Variants in GSAP observed in about 807,000 individuals in gnomAD.
The protein encoded by GSAP is gamma-secretase-activating protein.
In GSAP, 118 loss-of-function variants were observed where a neutral mutation model predicts 131.7. That is an observed-to-expected ratio of 0.90 (90% CI 0.77 to 1.04). The LOEUF is 1.04. Ranked by LOEUF, GSAP falls within the 50% of genes least tolerant of loss-of-function variation. The pLI, the probability that GSAP is intolerant of heterozygous loss-of-function variation, is 0.00. For synonymous variants in GSAP, 381 were observed against 363.4 expected, an observed-to-expected ratio of 1.05 and a Z score of -0.55; for missense variants, 1,019 against 1,013.2, an observed-to-expected ratio of 1.01 and a Z score of -0.08.
chr7:77,375,817 C>T (rs1796762127), intron 10 of GSAP, among the ~76,000 whole-genome samples: 1 of 149,134 alleles, frequency 6.7e-6, no homozygotes, highest in Admixed American at 6.7e-5. Context: ...GCACTCCAGC[C>T]AGGGCAACAG....
rs753221729 is a variant in GSAP, at chr7:77,377,322, A to G, written c.645T>C (p.Asp215=). ...IAEDFVWAQW[D]MSEQRLYYID... is the part of the protein sequence containing the mutation. ...TGTAATATAATCTCTGTTCTGACAT[A>G]TCCCACTGAGCCCAAACGAAATCCT... Residue 215 remains aspartate, a synonymous_variant, in exon 9 of 31, where the codon GAT becomes GAC. Transcript: ENST00000257626. 4 of 1,589,710 alleles carry G rather than the reference A, an allele frequency of 2.5e-6. No homozygotes were observed. The South Asian group carries it at 4.6e-5, about 18-fold the overall frequency.
At chr7:77,408,472 A>C (rs1260565816) in intron 1 of GSAP, among the ~76,000 whole-genome samples, 3 of 151,984 alleles carry the variant, frequency 2.0e-5, no homozygotes, top group Non-Finnish European at 2.9e-5. Context: ...GCTGAGGTAG[A>C]TGGATCACTT....
chr7:77,363,976 T>G (rs1794906274), intron 12 of GSAP, among the ~76,000 whole-genome samples: 1 of 152,132 alleles, frequency 6.6e-6, no homozygotes, highest in Non-Finnish European at 1.5e-5. Context: ...ACAGTAAACA[T>G]TATCAGCAAA....
rs1265584544 is a variant in GSAP, at chr7:77,351,832, A to G, written c.1491+1112T>C. On this transcript the variant is annotated intron_variant, in intron 18 of 30. Coordinates refer to ENST00000257626, the MANE Select transcript of GSAP (RefSeq NM_017439.4). ...CTGGACACTTTGAACACAGGACATA[A>G]CAGCAGGGGGTTGGTAAGGGAGGGA... is the stretch of plus-strand genomic sequence containing the variant. The G allele has an allele frequency of 1.0e-5, 5 of 477,900 alleles. No homozygotes were observed. In the Admixed American group the frequency reaches 1.9e-4, roughly 18 times the overall value. 29.6% of individuals were successfully genotyped at this position (477,900 alleles called of 1,614,324 possible).
chr7:77,366,218 T>A (rs1375268255), intron 12 of GSAP, among the ~76,000 whole-genome samples: 2 of 152,208 alleles, frequency 1.3e-5, no homozygotes, highest in African/African-American at 4.8e-5. Flanking sequence ...TCTTTTGCTG[T>A]GCAGAAGCTC....
At chr7:77,365,797 G>A (rs192384979) in intron 12 of GSAP, among the ~76,000 whole-genome samples, 80 of 151,206 alleles carry the variant, frequency 5.3e-4, no homozygotes, top group African/African-American at 1.9e-3. Context: ...TAGCCTTTGA[G>A]TAATCACCAT....
At chr7:77,416,448 T>C, upstream of GSAP, 1 of 506,202 alleles carries the variant, frequency 2.0e-6, no homozygotes, top group Middle Eastern at 5.3e-4. Context: ...CCCTGCTGCT[T>C]TCGGTTCTGC....
At chr7:77,386,520 A>G (rs868385558) in intron 6 of GSAP, among the ~76,000 whole-genome samples, 3 of 152,184 alleles carry the variant, frequency 2.0e-5, no homozygotes, top group Non-Finnish European at 2.9e-5. Context: ...GTGTGTTTCT[A>G]TTTAAAGACA....
intron 1 of GSAP, 40 bp from the exon 2 acceptor site, chr7:77,406,145 G>C (rs747523621): frequency 8.9e-7 from 1 of 1,127,192 alleles, no homozygotes; most frequent in South Asian, 2.2e-5. Flanking sequence ...GCAGAAGATG[G>C]TTAAAAACAT....
chr7:77,407,303 G>C (rs549262708), intron 1 of GSAP, among the ~76,000 whole-genome samples: 7 of 152,242 alleles, frequency 4.6e-5, no homozygotes, highest in African/African-American at 1.7e-4. Flanking sequence ...AGCTTGGTTA[G>C]TGCTTGCATA....
chr7:77,409,273 G>T (rs2151204836), intron 1 of GSAP, among the ~76,000 whole-genome samples: 1 of 152,240 alleles, frequency 6.6e-6, no homozygotes, highest in South Asian at 2.1e-4. Context: ...CTTGAGCTCA[G>T]GAGTTCAAGA....
At chr7:77,382,268 C>A (rs1215745437) in intron 7 of GSAP, among the ~76,000 whole-genome samples, 1 of 151,964 alleles carries the variant, frequency 6.6e-6, no homozygotes, top group Admixed American at 6.6e-5. Context: ...GACAGATGAA[C>A]TAAAAATGAC....
intron 1 of GSAP, among the ~76,000 whole-genome samples, chr7:77,409,571 A>G (rs887795559): frequency 2.6e-5 from 4 of 152,224 alleles, no homozygotes; most frequent in African/African-American, 4.8e-5. Context: ...AGTCCTTTGA[A>G]AGGCAGATAT....
intron 5 of GSAP, among the ~76,000 whole-genome samples, chr7:77,389,248 GTATATA>G (rs906383817): frequency 7.3e-5 from 11 of 150,682 alleles, no homozygotes; most frequent in Non-Finnish European, 1.2e-4. Context: ...ATGTGTGTGT[GTATATA>G]TATATATTTT....
chr7:77,314,535 C>T (rs371029527), intron 26 of GSAP, 46 bp from the exon 27 acceptor site: 97 of 1,610,288 alleles, frequency 6.0e-5, no homozygotes, highest in Non-Finnish European at 7.1e-5. Flanking sequence ...CCAACATCTC[C>T]AGCAGCCCCC....
At chr7:77,379,496 C>T (rs990234226) in intron 8 of GSAP, among the ~76,000 whole-genome samples, 1 of 152,046 alleles carries the variant, frequency 6.6e-6, no homozygotes, top group Non-Finnish European at 1.5e-5. Flanking sequence ...GCTGAAGCTG[C>T]ACCATCCTGA....
intron 19 of GSAP, among the ~76,000 whole-genome samples, chr7:77,334,177 T>C (rs1264171367): frequency 2.0e-5 from 3 of 152,136 alleles, no homozygotes; most frequent in Non-Finnish European, 4.4e-5. Flanking sequence ...TCAATCCAAA[T>C]GCCCATTAAT....
chr7:77,397,013 A>G lies in GSAP; in HGVS notation c.336T>C (p.Thr112=), dbSNP rs772073870. Residue 112 remains threonine, a synonymous_variant, in exon 5 of 31, where the codon ACT becomes ACC. Transcript: ENST00000257626. ...TLLAASLVQS[T]KEGKRNELQP... is the part of the protein sequence containing the mutation. ...GAAGTTCGTTCCTTTTTCCTTCTTT[A>G]GTAGACTGAACTAAACTTGCAGCTA... 6.2e-7 allele frequency: 1 copy of G among 1,601,114 alleles called. No individual in the cohort carries two copies. Among genetic ancestry groups the G allele is most frequent in the Non-Finnish European group, 8.5e-7 (1 of 1,170,982 alleles).
chr7:77,403,494 T>C (rs1393018837), intron 3 of GSAP, among the ~76,000 whole-genome samples: 1 of 152,146 alleles, frequency 6.6e-6, no homozygotes, highest in Non-Finnish European at 1.5e-5. Context: ...AGGTACAAAA[T>C]TACTCCCTCC....
Sources: gnomAD v4.1 joint callset for allele counts (sites outside exome capture counted in the v4.1 genomes callset) on GRCh38, gnomAD v4.1.1 for gene constraint, MANE v1.5 for transcripts, NCBI Gene and HGNC (gene_info 2026-07-23, HGNC 2026-07-21) for gene names.